MEIS3: variants seen among roughly 807,000 people sequenced by gnomAD.
MEIS3 encodes the protein homeobox protein Meis3.
MEIS3 carries 38 observed loss-of-function variants against 51.4 expected under a neutral mutation model. The ratio of observed to expected loss-of-function variants is 0.74; its 90% CI spans 0.57 to 0.97. The LOEUF is 0.97. Ranked by LOEUF, MEIS3 falls within the 50% of genes least tolerant of loss-of-function variation. The pLI, the probability that MEIS3 is intolerant of heterozygous loss-of-function variation, is 0.00. For missense variants in MEIS3, 456 were observed against 502.6 expected (o/e 0.91, Z 0.89); for synonymous variants, 198 against 201.8 (o/e 0.98, Z 0.16).
At chr19:47,404,859 C>T (rs919730551) in intron 12 of MEIS3, among the ~76,000 whole-genome samples, 12 of 152,236 alleles carry the variant, frequency 7.9e-5, no homozygotes, top group African/African-American at 2.9e-4. Context: ...AGACTTTGTG[C>T]CCCATGAGGG....
At chr19:47,414,887 T>TGG in intron 5 of MEIS3, 21 bp from the exon 6 acceptor site, 3 of 716,620 alleles carry the variant, frequency 4.2e-6, no homozygotes, top group Non-Finnish European at 3.6e-6. Context: ...ACCGGGGTAC[T>TGG]GGGGGGGGCC....
upstream of MEIS3, among the ~76,000 whole-genome samples, chr19:47,420,090 C>T (rs1047958816): frequency 1.3e-5 from 2 of 152,154 alleles, no homozygotes; most frequent in African/African-American, 4.8e-5. Context: ...GCTCTGCCCC[C>T]GTGGCTGTCC....
At position 47,403,648 on chromosome 19, in the gene MEIS3, G is replaced by A. The variant is rs565894773; in HGVS notation, c.*18-95C>T. On this transcript the variant is annotated intron_variant, in intron 12 of 12. Coordinates refer to ENST00000558555, the MANE Select transcript of MEIS3 (RefSeq NM_001301059.2). ...GCAGGCCTCATCAGCCCCAATGTGA[G>A]GGGGACACAGAGAGAGTGGCTGGCG... 2.3e-5 allele frequency: 8 copies of A among 342,640 alleles called. No individual in the cohort carries two copies. In the East Asian group the frequency reaches 7.1e-4, roughly 30 times the overall value. The allele number at this position is 342,640 out of a possible 1,614,324, so 21.2% of individuals were successfully genotyped here.
chr19:47,410,505 G>A (rs1166577424), intron 6 of MEIS3, among the ~76,000 whole-genome samples: 1 of 151,244 alleles, frequency 6.6e-6, no homozygotes, highest in Non-Finnish European at 1.5e-5. Context: ...GATGGCTCAT[G>A]CCTGTAATCC....
intron 11 of MEIS3, 58 bp from the exon 12 acceptor site, chr19:47,406,584 T>G: frequency 6.5e-7 from 1 of 1,537,958 alleles, no homozygotes; most frequent in Non-Finnish European, 9.0e-7. Flanking sequence ...CCCAGATGCC[T>G]CTAAGTCTCC....
rs747834648 is a variant in MEIS3 at position 47,409,419 on chromosome 19, C to T, written c.709+17G>A. ...GGTTGACTCCCATGTTTCCCTTCCA[C>T]CTCCCAAGATTCTCACCTTGGTCAC... is the stretch of plus-strand genomic sequence containing the variant. On this transcript the variant is annotated intron_variant, in intron 7 of 12. Coordinates refer to ENST00000558555, the MANE Select transcript of MEIS3 (RefSeq NM_001301059.2). 2.7e-5 allele frequency: 44 copies of T among 1,603,378 alleles called. No individual in the cohort carries two copies. In the South Asian group the frequency reaches 4.7e-4, roughly 17 times the overall value.
chr19:47,414,594 C>T (rs1466628275), intron 6 of MEIS3, 123 bp downstream of exon 6: 23 of 1,166,858 alleles, frequency 2.0e-5, no homozygotes, highest in Non-Finnish European at 2.0e-5. Flanking sequence ...TGTGCATATG[C>T]GTGCCCTGTG....
intron 12 of MEIS3, among the ~76,000 whole-genome samples, chr19:47,404,140 G>A (rs1349500003): frequency 2.0e-5 from 3 of 152,080 alleles, no homozygotes; most frequent in East Asian, 1.9e-4. Flanking sequence ...GGAGGTCGAG[G>A]CTACAGTGAG....
At chr19:47,405,562 A>ATTT (rs769408624) in intron 12 of MEIS3, among the ~76,000 whole-genome samples, 25 of 135,682 alleles carry the variant, frequency 1.8e-4, no homozygotes, top group African/African-American at 5.5e-4. Context: ...TGAGGGCTCA[A>ATTT]TTTTTTTTTT....
At chr19:47,404,000 G>A (rs1970706827) in intron 12 of MEIS3, among the ~76,000 whole-genome samples, 2 of 152,040 alleles carry the variant, frequency 1.3e-5, no homozygotes, top group Non-Finnish European at 2.9e-5. Flanking sequence ...CCAGGAGTTC[G>A]AGACCAGCCT....
upstream of MEIS3, among the ~76,000 whole-genome samples, chr19:47,420,573 GGT>G (rs1971670185): frequency 2.8e-5 from 3 of 108,452 alleles, no homozygotes; most frequent in African/African-American, 7.0e-5. Flanking sequence ...GAGAGAGAGA[GGT>G]GCAGACAGAG....
rs1048726773 is a variant in MEIS3 at position 47,409,331 on chromosome 19, C to T, written c.710-84G>A. 53 of 1,578,852 alleles carry T rather than the reference C, an allele frequency of 3.4e-5. No individual in the cohort carries two copies. In the African/African-American group the frequency reaches 6.3e-4, roughly 19 times the overall value. ...CCCAGAACTCTCCCCCAAGACAACA[C>T]TCCACACCCCAGCCATCTCTGCCCC... On this transcript the variant is annotated intron_variant, in intron 7 of 12. Transcript: ENST00000558555.
intron 1 of MEIS3, chr19:47,418,071 A>G: frequency 4.0e-6 from 1 of 250,770 alleles, no homozygotes; most frequent in African/African-American, 2.2e-5. Context: ...GTTGCCGGAG[A>G]GGGTCACTCC....
chr19:47,421,028 GAGC>G (rs1390744397), upstream of MEIS3, among the ~76,000 whole-genome samples: 1 of 151,298 alleles, frequency 6.6e-6, no homozygotes, highest in African/African-American at 2.4e-5. Flanking sequence ...CAGGGGGAGG[GAGC>G]AGGTGGCGGC....
chr19:47,419,856 A>C (rs1288489188), upstream of MEIS3, among the ~76,000 whole-genome samples: 2 of 151,816 alleles, frequency 1.3e-5, no homozygotes, highest in African/African-American at 4.8e-5. Context: ...AGCCCCCTGG[A>C]CACACCACGG....
upstream of MEIS3, among the ~76,000 whole-genome samples, chr19:47,421,994 G>A (rs1464510703): frequency 3.4e-5 from 5 of 146,490 alleles, no homozygotes; most frequent in East Asian, 2.0e-4. Context: ...CCCCCTTCCC[G>A]TCCTCCCGCT....
At chr19:47,404,182 G>A (rs1017032881) in intron 12 of MEIS3, among the ~76,000 whole-genome samples, 8 of 152,032 alleles carry the variant, frequency 5.3e-5, no homozygotes, top group Admixed American at 1.3e-4. Flanking sequence ...CAGAAAAGGA[G>A]ACAGAAAGGA....
At chr19:47,413,993 C>T (rs952860065) in intron 6 of MEIS3, among the ~76,000 whole-genome samples, 3 of 152,032 alleles carry the variant, frequency 2.0e-5, no homozygotes, top group Non-Finnish European at 4.4e-5. Flanking sequence ...CCTCAGCCTC[C>T]CAAAGTGCTG....
intron 1 of MEIS3, 57 bp downstream of exon 1, chr19:47,419,013 G>C (rs895924798): frequency 6.8e-4 from 794 of 1,167,696 alleles, no homozygotes; most frequent in Non-Finnish European, 8.1e-4. Flanking sequence ...AGTGGGGGAT[G>C]CAGGGACAGG....
Sources: allele counts gnomAD v4.1 joint callset (sites outside exome capture counted in the v4.1 genomes callset), GRCh38; gene constraint gnomAD v4.1.1; transcripts MANE v1.5; gene names NCBI Gene and HGNC (gene_info 2026-07-23, HGNC 2026-07-21).